The following PIPOX variants were observed in gnomAD, a reference collection of about 807,000 sequenced individuals.
PIPOX encodes pipecolic acid and sarcosine oxidase.
A neutral mutation model predicts 47.9 loss-of-function variants in PIPOX; 45 were observed. That is an observed-to-expected ratio of 0.94 (90% CI 0.74 to 1.20). PIPOX has a LOEUF of 1.20. Among genes scored for constraint, PIPOX ranks in the 50% most tolerant of loss-of-function variants. PIPOX has a pLI of 0.00. For missense variants in PIPOX, 458 were observed against 498.4 expected (o/e 0.92, Z 0.77); for synonymous variants, 165 against 191.3 (o/e 0.86, Z 1.13).
Position 29,053,689 on chromosome 17 carries a change from T to C in PIPOX, c.660+94T>C, listed in dbSNP as rs149656365. ...GAGTCCTGGATCTGCCTCTTGCTAG[T>C]GGACAACCTTGGGCACATTCATTCA... On this transcript the variant is annotated intron_variant, in intron 4 of 7. Transcript: ENST00000323372. 3.1e-5 allele frequency: 27 copies of C among 884,916 alleles called. 1 individual carries two copies. In the African/African-American group the frequency reaches 4.0e-4, roughly 13 times the overall value. 54.8% of individuals were successfully genotyped at this position (884,916 alleles called of 1,614,324 possible).
At chr17:29,047,676 ATTC>A (rs2065790836) in intron 2 of PIPOX, among the ~76,000 whole-genome samples, 1 of 147,122 alleles carries the variant, frequency 6.8e-6, no homozygotes, top group South Asian at 2.1e-4. Context: ...ACTCAACATT[ATTC>A]TTCTTTGGAT....
intron 2 of PIPOX, among the ~76,000 whole-genome samples, chr17:29,045,690 T>C (rs1417316798): frequency 6.6e-6 from 1 of 152,070 alleles, no homozygotes; most frequent in African/African-American, 2.4e-5. Flanking sequence ...ATTACAGGTG[T>C]GAGCCACCGT....
intron 2 of PIPOX, among the ~76,000 whole-genome samples, chr17:29,047,677 T>C (rs2065790578): frequency 6.9e-6 from 1 of 145,274 alleles, no homozygotes; most frequent in African/African-American, 2.7e-5. Context: ...CTCAACATTA[T>C]TCTTCTTTGG....
intron 2 of PIPOX, among the ~76,000 whole-genome samples, chr17:29,050,926 G>A (rs1328535649): frequency 1.3e-5 from 2 of 152,136 alleles, no homozygotes; most frequent in Middle Eastern, 3.4e-3. Context: ...CAGATCATGA[G>A]GTCAGGAGTT....
At chr17:29,045,833 G>A (rs75972234) in intron 2 of PIPOX, among the ~76,000 whole-genome samples, 2 of 152,110 alleles carry the variant, frequency 1.3e-5, no homozygotes, top group Admixed American at 6.5e-5. Flanking sequence ...AAATGGGGAC[G>A]TTCCCCAGGC....
rs1041952170 is a variant in PIPOX, at chr17:29,056,341, C to T, written c.*36C>T. On this transcript the variant is annotated 3_prime_UTR_variant, in exon 8 of 8. Coordinates refer to ENST00000323372, the MANE Select transcript of PIPOX (RefSeq NM_016518.3). ...GAAGCCTCCCTTCTGTGCACAGGAGCCAGTTTCACAGATGGAGAAGATGTC... is the reference window on the plus strand; with the variant it reads ...GAAGCCTCCCTTCTGTGCACAGGAGTCAGTTTCACAGATGGAGAAGATGTC... The T allele has an allele frequency of 1.2e-6, 2 of 1,612,652 alleles. No individual in the cohort carries two copies. The highest frequency in any genetic ancestry group is 1.7e-6 in the Non-Finnish European group (2 of 1,179,054).
chr17:29,056,674 G>C lies in PIPOX; in HGVS notation c.*369G>C, dbSNP rs1644049246. 4.7e-6 allele frequency: 1 copy of C among 214,754 alleles called. No individual in the cohort carries two copies. The highest frequency in any genetic ancestry group is 9.2e-6 in the Non-Finnish European group (1 of 108,770). The allele number at this position is 214,754 out of a possible 1,614,324, so 13.3% of individuals were successfully genotyped here. ...ACAAGAACTGGCTCTGGAGACCAAA[G>C]CAGTTGTTAAAAATTCTCTTTGCTG... is the stretch of plus-strand genomic sequence containing the variant. On this transcript the variant is annotated 3_prime_UTR_variant, in exon 8 of 8. Transcript: ENST00000323372.
intron 2 of PIPOX, among the ~76,000 whole-genome samples, chr17:29,048,041 T>G (rs1219136035): frequency 6.6e-6 from 1 of 152,204 alleles, no homozygotes; most frequent in Non-Finnish European, 1.5e-5. Flanking sequence ...TATTATTCTA[T>G]TATTATAAGT....
At chr17:29,055,695 G>A in intron 6 of PIPOX, 118 bp from the exon 7 acceptor site, 1 of 865,496 alleles carries the variant, frequency 1.2e-6, no homozygotes. Flanking sequence ...AAGCATCCTT[G>A]TGCCTCATTC....
At chr17:29,043,971 G>A (rs1311956704) in intron 1 of PIPOX, among the ~76,000 whole-genome samples, 3 of 152,156 alleles carry the variant, frequency 2.0e-5, no homozygotes, top group Non-Finnish European at 4.4e-5. Context: ...AGGGTCCTTC[G>A]AGGACAGGGC....
intron 2 of PIPOX, among the ~76,000 whole-genome samples, chr17:29,051,270 C>T (rs1055244896): frequency 1.3e-5 from 2 of 152,204 alleles, no homozygotes; most frequent in African/African-American, 2.4e-5. Flanking sequence ...GCAGAGCTCT[C>T]GTTGCTATCT....
chr17:29,049,284 T>C (rs2044195488), intron 2 of PIPOX, among the ~76,000 whole-genome samples: 1 of 152,172 alleles, frequency 6.6e-6, no homozygotes, highest in Non-Finnish European at 1.5e-5. Context: ...CTTTCAGTCC[T>C]TCTTTGTAGC....
At chr17:29,050,097 A>G (rs1463615604) in intron 2 of PIPOX, among the ~76,000 whole-genome samples, 1 of 152,192 alleles carries the variant, frequency 6.6e-6, no homozygotes, top group Non-Finnish European at 1.5e-5. Flanking sequence ...TTTCCCACAT[A>G]GTACATCCCT....
rs746115496 is a variant in PIPOX, at chr17:29,053,603, G to A, written c.660+8G>A. On this transcript the variant is annotated splice_region_variant and intron_variant, in intron 4 of 7. Coordinates refer to ENST00000323372, the MANE Select transcript of PIPOX (RefSeq NM_016518.3). ...ATTGAGATGCCTCTCCAGGTAAGAG[G>A]AGCTGGAAGCCCGAGAGTTGGTGCT... 3 of 1,570,024 alleles carry A rather than the reference G, an allele frequency of 1.9e-6. No individual in the cohort carries two copies. Among genetic ancestry groups the A allele is most frequent in the Non-Finnish European group, 2.6e-6 (3 of 1,153,200 alleles).
chr17:29,045,087 G>A (rs2152698127), intron 2 of PIPOX, 80 bp downstream of exon 2: 1 of 1,429,914 alleles, frequency 7.0e-7, no homozygotes, highest in East Asian at 2.4e-5. Context: ...GCAGCGCCAT[G>A]GAACATTTGG....
chr17:29,051,764 C>T (rs895755471), intron 2 of PIPOX, among the ~76,000 whole-genome samples: 4 of 152,152 alleles, frequency 2.6e-5, no homozygotes, highest in Admixed American at 6.5e-5. Flanking sequence ...GACCATCTAT[C>T]GGTGTTTCTG....
Position 29,054,597 on chromosome 17 carries a change from G to C in PIPOX, c.713G>C (p.Gly238Ala), listed in dbSNP as rs140581256. The C allele has an allele frequency of 1.1e-3, 1,714 of 1,614,174 alleles. 28 individuals carry two copies. In the Admixed American group the frequency reaches 0.026, roughly 25 times the overall value. Residue 238 changes from glycine (G) to alanine (A), a missense_variant, in exon 5 of 8, where the codon GGT becomes GCT. Coordinates refer to ENST00000323372, the MANE Select transcript of PIPOX (RefSeq NM_016518.3). Reference sequence around the variant, plus strand: ...CGAGAGATGGTTCCTGGGAGCTATGGTGTGTCCCAGGCCTTTCCGTGCTTC... The same window carrying C: ...CGAGAGATGGTTCCTGGGAGCTATGCTGTGTCCCAGGCCTTTCCGTGCTTC... ...YWREMVPGSY[G>A]VSQAFPCFLW... is the part of the protein sequence containing the mutation.
intron 4 of PIPOX, 29 bp downstream of exon 4, chr17:29,053,624 G>A: frequency 6.5e-7 from 1 of 1,529,958 alleles, no homozygotes; most frequent in Non-Finnish European, 8.9e-7. Context: ...CCGAGAGTTG[G>A]TGCTCAAGAG....
At position 29,045,011 on chromosome 17, in the gene PIPOX, G is replaced by A. The variant is rs1350989946; in HGVS notation, c.263+4G>A. On this transcript the variant is annotated splice_donor_region_variant and intron_variant, in intron 2 of 7. Transcript: ENST00000323372. ...AGGCTGGAACCCAATTGCACAGGTG[G>A]GCTGTGGGAGGAATTCCTTGAATCG... The A allele has an allele frequency of 6.3e-7, 1 of 1,586,752 alleles. No individual in the cohort carries two copies. The highest frequency in any genetic ancestry group is 8.6e-7 in the Non-Finnish European group (1 of 1,165,220).
Sources: allele counts gnomAD v4.1 joint callset (sites outside exome capture counted in the v4.1 genomes callset), GRCh38; gene constraint gnomAD v4.1.1; transcripts MANE v1.5; gene names NCBI Gene and HGNC (gene_info 2026-07-23, HGNC 2026-07-21).